The following TBC1D22A variants were observed in gnomAD, a reference collection of about 807,000 sequenced individuals.
TBC1D22A encodes putative GTPase activator.
TBC1D22A carries 38 observed loss-of-function variants against 60.2 expected under a neutral mutation model. The ratio of observed to expected loss-of-function variants is 0.63; its 90% CI spans 0.49 to 0.83. TBC1D22A has a LOEUF of 0.83. Ranked by LOEUF, TBC1D22A falls within the 40% of genes least tolerant of loss-of-function variation. The pLI is 0.00. For missense variants in TBC1D22A, 628 were observed against 701.0 expected, an observed-to-expected ratio of 0.90 and a Z score of 1.18; for synonymous variants, 302 against 281.7, an observed-to-expected ratio of 1.07 and a Z score of -0.72.
At chr22:46,828,243 A>G (rs1196452776) in intron 4 of TBC1D22A, among the ~76,000 whole-genome samples, 1 of 152,242 alleles carries the variant, frequency 6.6e-6, no homozygotes, top group African/African-American at 2.4e-5. Flanking sequence ...CCCACGGATT[A>G]ATAAATATAT....
intron 8 of TBC1D22A, among the ~76,000 whole-genome samples, chr22:46,958,885 C>T (rs759991441): frequency 2.6e-5 from 4 of 152,242 alleles, no homozygotes; most frequent in African/African-American, 9.6e-5. Context: ...GCAGCCTTCT[C>T]ATTGTCTGAG....
At chr22:46,901,335 A>C (rs2068980866) in intron 7 of TBC1D22A, among the ~76,000 whole-genome samples, 1 of 152,208 alleles carries the variant, frequency 6.6e-6, no homozygotes, top group Non-Finnish European at 1.5e-5. Context: ...GAATCCTCTC[A>C]GCTGCGTTGT....
rs369332267 is a variant in TBC1D22A at position 46,768,400 on chromosome 22, G to T, written c.62+5552G>T. On this transcript the variant is annotated intron_variant, in intron 1 of 12. Transcript: ENST00000337137. The stretch of plus-strand genomic sequence containing the variant: ...CTTGGGAGGCTGAGGCAGGAGAGTC[G>T]CTTGAACACAGGAGGCAGAGGTTGC... 2.4e-3 allele frequency among the ~76,000 whole-genome samples: 351 copies of T among 149,254 alleles called. 5 individuals are homozygous for T. The highest frequency in any genetic ancestry group is 8.2e-3 in the African/African-American group (332 of 40,326).
chr22:46,860,814 G>A (rs1057455646), intron 4 of TBC1D22A, among the ~76,000 whole-genome samples: 1 of 152,154 alleles, frequency 6.6e-6, no homozygotes, highest in Non-Finnish European at 1.5e-5. Flanking sequence ...AGGTCCTCTC[G>A]GGCTCGAGTG....
intron 4 of TBC1D22A, among the ~76,000 whole-genome samples, chr22:46,863,165 C>T (rs1055589394): frequency 4.9e-4 from 75 of 152,106 alleles, no homozygotes; most frequent in Admixed American, 3.3e-4. Flanking sequence ...CAACATGCGC[C>T]CCGTCCTCCC....
Position 46,948,426 on chromosome 22 carries a change from C to A in TBC1D22A, c.1016-25864C>A, listed in dbSNP as rs574013836. On this transcript the variant is annotated intron_variant, in intron 8 of 12. Coordinates refer to ENST00000337137, the MANE Select transcript of TBC1D22A (RefSeq NM_014346.5). The stretch of plus-strand genomic sequence containing the variant: ...TCAAGAGCCTACATTCTTGGTAATG[C>A]CCTTTGAGATTTTCCCACATGCTGG... 3.7e-4 allele frequency among the ~76,000 whole-genome samples: 56 copies of A among 152,352 alleles called. 1 individual carries two copies. Among genetic ancestry groups the A allele is most frequent in the African/African-American group, 1.3e-3 (54 of 41,584 alleles).
intron 1 of TBC1D22A, 46 bp downstream of exon 1, chr22:46,762,894 C>G (rs753115431): frequency 9.6e-6 from 14 of 1,463,292 alleles, no homozygotes; most frequent in Non-Finnish European, 1.3e-5. Context: ...GGTCAGAGGT[C>G]AGGTGGCCGC....
intron 8 of TBC1D22A, among the ~76,000 whole-genome samples, chr22:46,970,147 T>C (rs956320628): frequency 1.3e-5 from 2 of 152,038 alleles, no homozygotes; most frequent in Non-Finnish European, 2.9e-5. Context: ...AGCTTGGGCA[T>C]GTCTTCATGA....
intron 7 of TBC1D22A, among the ~76,000 whole-genome samples, chr22:46,910,783 G>T (rs1222312111): frequency 1.3e-5 from 2 of 152,112 alleles, no homozygotes; most frequent in East Asian, 3.9e-4. Flanking sequence ...GAGACCCAGG[G>T]TGCGGGAGTG....
chr22:46,961,797 T>G (rs2073519111), intron 8 of TBC1D22A, among the ~76,000 whole-genome samples: 1 of 152,128 alleles, frequency 6.6e-6, no homozygotes, highest in African/African-American at 2.4e-5. Flanking sequence ...CGGTCAGTGG[T>G]CTGAGTGCGG....
chr22:47,102,360 C>G (rs910233718), intron 11 of TBC1D22A, among the ~76,000 whole-genome samples: 4 of 152,134 alleles, frequency 2.6e-5, no homozygotes, highest in African/African-American at 9.7e-5. Context: ...CCTGCTTGAC[C>G]CACCCCAGGC....
chr22:46,890,714 C>A (rs2068351338), intron 5 of TBC1D22A, among the ~76,000 whole-genome samples: 1 of 152,204 alleles, frequency 6.6e-6, no homozygotes, highest in East Asian at 1.9e-4. Flanking sequence ...GACTTCAAGT[C>A]CCCTTTATGT....
Position 46,797,485 on chromosome 22 carries a change from C to G in TBC1D22A, c.502C>G (p.Leu168Val). ...DAAPLQRSQS[L>V]PHSATVTLGG... ...CGCCCCTCTGCAGAGGTCCCAGTCTCTCCCACACTCGGCCACCGTCACGCT... is the reference window on the plus strand; with the variant it reads ...CGCCCCTCTGCAGAGGTCCCAGTCTGTCCCACACTCGGCCACCGTCACGCT... Residue 168 changes from leucine (L) to valine (V), a missense_variant, in exon 4 of 13, where the codon CTC becomes GTC. Transcript: ENST00000337137. 2 of 1,613,694 alleles carry G rather than the reference C, an allele frequency of 1.2e-6. No individual in the cohort carries two copies. Among genetic ancestry groups the G allele is most frequent in the Non-Finnish European group, 1.7e-6 (2 of 1,180,006 alleles).
intron 4 of TBC1D22A, among the ~76,000 whole-genome samples, chr22:46,809,536 T>C (rs561735197): frequency 6.6e-6 from 1 of 152,272 alleles, no homozygotes; most frequent in East Asian, 1.9e-4. Flanking sequence ...TTGTTTTAGG[T>C]TCTAGAAGTA....
chr22:46,829,597 T>A (rs1165892135), intron 4 of TBC1D22A, among the ~76,000 whole-genome samples: 2 of 152,224 alleles, frequency 1.3e-5, no homozygotes, highest in Non-Finnish European at 2.9e-5. Context: ...GTTAAGAGAA[T>A]CTTACTGCAT....
At chr22:46,769,002 G>T (rs1300109452) in intron 1 of TBC1D22A, among the ~76,000 whole-genome samples, 1 of 148,120 alleles carries the variant, frequency 6.8e-6, no homozygotes, top group Non-Finnish European at 1.5e-5. Context: ...GCTGAAGCAG[G>T]AGAATCATTT....
rs142628893 is a variant in TBC1D22A, at chr22:46,793,601, G to A, written c.220G>A (p.Ala74Thr). 3.1e-6 allele frequency: 5 copies of A among 1,613,888 alleles called. No individual in the cohort carries two copies. Among genetic ancestry groups the A allele is most frequent in the Admixed American group, 1.7e-5 (1 of 60,014 alleles). ...FESNTSDAWD[A>T]GEDDDELLAM... ...GAGCAATACCAGCGATGCCTGGGAC[G>A]CTGGGGAGGACGACGATGAGCTCCT... Residue 74 changes from alanine (A) to threonine (T), a missense_variant, in exon 3 of 13, where the codon GCT (alanine) becomes ACT (threonine). By Grantham distance (58) the Ala-to-Thr change is moderately conservative (BLOSUM62 0). Transcript: ENST00000337137.
At chr22:47,016,181 A>G (rs548215504) in intron 10 of TBC1D22A, among the ~76,000 whole-genome samples, 64 of 151,890 alleles carry the variant, frequency 4.2e-4, no homozygotes, top group South Asian at 8.3e-4. Context: ...GGCGCCCTGA[A>G]CTCCTGAGTG....
chr22:47,041,135 T>C (rs2062831073), intron 11 of TBC1D22A, among the ~76,000 whole-genome samples: 1 of 152,246 alleles, frequency 6.6e-6, no homozygotes, highest in Non-Finnish European at 1.5e-5. Context: ...AGGTGAGTAT[T>C]GCAAGATGAC....
Sources: gnomAD v4.1 joint callset for allele counts (sites outside exome capture counted in the v4.1 genomes callset) on GRCh38, gnomAD v4.1.1 for gene constraint, MANE v1.5 for transcripts, NCBI Gene and HGNC (gene_info 2026-07-23, HGNC 2026-07-21) for gene names.